NCAPD2: variants seen among roughly 807,000 people sequenced by gnomAD.
The protein encoded by NCAPD2 is non-SMC condensin I complex subunit D2, also known as condensin complex subunit 1.
Under a neutral mutation model 164.5 loss-of-function variants are expected in NCAPD2, and 100 were observed. The ratio of observed to expected loss-of-function variants is 0.61; its 90% confidence interval spans 0.52 to 0.72. The LOEUF (loss-of-function observed/expected upper bound fraction) is 0.72. NCAPD2 is among the 30% of genes least tolerant of loss of function. The probability of loss-of-function intolerance (pLI) is 0.00; values close to 1 mark genes in which losing one functional copy is unlikely to be tolerated. For synonymous variants in NCAPD2, 585 were observed against 642.6 expected (o/e 0.91, Z 1.36); for missense variants, 1,560 against 1,749.2 (o/e 0.89, Z 1.93).
intron 6 of NCAPD2, among the ~76,000 whole-genome samples, chr12:6,513,715 C>CTTTGTTTTTTTTTTTTTTTT (rs1946171835): frequency 1.3e-5 from 1 of 74,894 alleles, no homozygotes. Flanking sequence ...GTGACTTTGT[C>CTTTGTTTTTTTTTTTTTTTT]TTTTTTTTTT....
intron 5 of NCAPD2, 47 bp downstream of exon 5, chr12:6,510,857 G>A: frequency 6.3e-7 from 1 of 1,577,816 alleles, no homozygotes; most frequent in Non-Finnish European, 8.6e-7. Context: ...TGGGGAGATA[G>A]GGGAATAGAT....
intron 2 of NCAPD2, among the ~76,000 whole-genome samples, chr12:6,498,172 G>A (rs1288791824): frequency 6.6e-6 from 1 of 152,152 alleles, no homozygotes; most frequent in Non-Finnish European, 1.5e-5. Context: ...GCCTCCCAAA[G>A]TGCTGAGATT....
chr12:6,530,667 C>G, intron 29 of NCAPD2, 24 bp from the exon 30 acceptor site: 1 of 1,613,600 alleles, frequency 6.2e-7, no homozygotes, highest in Non-Finnish European at 8.5e-7. Flanking sequence ...CAGGCCTGCT[C>G]TGAATCTCCT....
At chr12:6,523,398 G>GTTGTTTT in intron 17 of NCAPD2, 52 bp downstream of exon 17, 2 of 871,552 alleles carry the variant, frequency 2.3e-6, no homozygotes, top group African/African-American at 4.5e-5. Flanking sequence ...TATTTTGGTT[G>GTTGTTTT]TTTTTTTTTT....
chr12:6,523,150 G>A (rs1459290536), intron 16 of NCAPD2, 112 bp from the exon 17 acceptor site: 9 of 1,443,780 alleles, frequency 6.2e-6, no homozygotes, highest in Middle Eastern at 2.3e-4. Context: ...GGTGGGGCTC[G>A]GTTTCCAGGG....
chr12:6,531,270 A>G lies in NCAPD2; in HGVS notation c.4121-57A>G, dbSNP rs1218235281. On this transcript the variant is annotated intron_variant, in intron 31 of 31. Transcript: ENST00000315579. The surrounding 1 kb of genome is among the most constrained non-coding windows in gnomAD (Gnocchi z 4.1). ...TTGTCTCACTTGTTCTCTGATATCT[A>G]TTTTTTCACCATCTTTGTGACTCAG... 3.2e-6 allele frequency: 5 copies of G among 1,561,052 alleles called. No individual in the cohort carries two copies. The highest frequency in any genetic ancestry group is 2.2e-5 in the East Asian group (1 of 44,574).
chr12:6,517,322 G>T, intron 10 of NCAPD2, 43 bp from the exon 11 acceptor site: 1 of 1,599,866 alleles, frequency 6.3e-7, no homozygotes. Context: ...CAAAATGGAT[G>T]ATGTGGGACT....
In NCAPD2 at chr12:6,514,885, A is replaced by T; in HGVS notation, c.952A>T (p.Ser318Cys). Reference sequence around the variant, plus strand: ...ACGTGTCCCAGCTATCCTGATGTCCAGCATGTGCATTTTGCTAGATCACCT... The same window carrying T: ...ACGTGTCCCAGCTATCCTGATGTCCTGCATGTGCATTTTGCTAGATCACCT... ...AERVPAILMS[S>C]MCILLDHLDG... is the part of the protein sequence containing the mutation. The change falls in exon 9 of 32, where the codon AGC becomes TGC. Residue 318 changes from serine to cysteine, a missense_variant. Physicochemically the swap from Ser to Cys is moderately radical, Grantham distance 112. Coordinates refer to ENST00000315579, the MANE Select transcript of NCAPD2 (RefSeq NM_014865.4). 1 of 1,614,224 alleles carries T rather than the reference A, an allele frequency of 6.2e-7. No homozygotes were observed. Among genetic ancestry groups the T allele is most frequent in the Non-Finnish European group, 8.5e-7 (1 of 1,180,032 alleles).
chr12:6,507,493 C>T (rs887969208), intron 2 of NCAPD2, among the ~76,000 whole-genome samples: 2 of 152,242 alleles, frequency 1.3e-5, no homozygotes, highest in South Asian at 2.1e-4. Flanking sequence ...CAAAGGGGCA[C>T]GAGAGCCTTT....
chr12:6,520,853 C>T, intron 13 of NCAPD2, 133 bp from the exon 14 acceptor site: 1 of 1,251,134 alleles, frequency 8.0e-7, no homozygotes, highest in Non-Finnish European at 1.1e-6. Flanking sequence ...GCTGTAACAA[C>T]TTTTTAAGCA....
In NCAPD2 at chr12:6,528,933, T is replaced by A; in HGVS notation, c.3478-12T>A. ...ACCTCATCTCCTTAACATGGCTCTC[T>A]CTGTCTTACAGGGCAACGCAATCTA... is the stretch of plus-strand genomic sequence containing the variant. On this transcript the variant is annotated splice_polypyrimidine_tract_variant and intron_variant, in intron 26 of 31. Transcript: ENST00000315579. This position sits in a 1 kb window ranked among gnomAD's most constrained non-coding sequence, Gnocchi z 5.1. The A allele has an allele frequency of 6.2e-7, 1 of 1,614,058 alleles. No individual in the cohort carries two copies.
chr12:6,522,313 C>T (rs373467712), intron 15 of NCAPD2, among the ~76,000 whole-genome samples: 14 of 149,954 alleles, frequency 9.3e-5, no homozygotes, highest in African/African-American at 1.5e-4. Flanking sequence ...CGGCTGGGCG[C>T]GATGGCTCAT....
Position 6,530,943 on chromosome 12 carries a change from T to C in NCAPD2, c.3987T>C (p.Ala1329=), listed in dbSNP as rs780007483. 1 of 1,614,174 alleles carries C rather than the reference T, an allele frequency of 6.2e-7. No homozygotes were observed. The highest frequency in any genetic ancestry group is 1.3e-5 in the African/African-American group (1 of 75,036). The change falls in exon 31 of 32, where the codon GCT becomes GCC. Residue 1329 remains alanine (A), a synonymous_variant. Coordinates refer to ENST00000315579, the MANE Select transcript of NCAPD2 (RefSeq NM_014865.4). ...PSTGSRYQPL[A]STASDNDFVT... ...TAGGTTCTAGGTACCAGCCTCTGGCTTCTACAGCCTCAGACAATGACTTTG... is the reference window on the plus strand; with the variant it reads ...TAGGTTCTAGGTACCAGCCTCTGGCCTCTACAGCCTCAGACAATGACTTTG...
intron 6 of NCAPD2, among the ~76,000 whole-genome samples, chr12:6,514,038 T>C (rs949151461): frequency 6.6e-5 from 10 of 152,142 alleles, no homozygotes; most frequent in African/African-American, 2.4e-4. Context: ...TTTTATGATA[T>C]ATTTAGGTTC....
chr12:6,511,397 A>G (rs900617510), intron 6 of NCAPD2, 145 bp downstream of exon 6: 40 of 973,600 alleles, frequency 4.1e-5, no homozygotes, highest in South Asian at 5.3e-5. Flanking sequence ...CAGTGGTTCA[A>G]TCTCGGCTCA....
chr12:6,498,450 AC>A (rs958056640), intron 2 of NCAPD2, among the ~76,000 whole-genome samples: 2 of 152,206 alleles, frequency 1.3e-5, no homozygotes, highest in African/African-American at 4.8e-5. Context: ...AATATGTAGT[AC>A]AGTAGGACCC....
intron 2 of NCAPD2, among the ~76,000 whole-genome samples, chr12:6,498,622 T>G (rs1946005172): frequency 6.6e-6 from 1 of 152,082 alleles, no homozygotes; most frequent in Non-Finnish European, 1.5e-5. Context: ...ATTCTTTTTT[T>G]TTTTGAGACG....
chr12:6,530,862 C>G, intron 30 of NCAPD2, 45 bp downstream of exon 30: 3 of 1,613,482 alleles, frequency 1.9e-6, no homozygotes, highest in Admixed American at 1.7e-5. Context: ...TGGGCCCTCC[C>G]CTCCTGCAGT....
intron 2 of NCAPD2, 108 bp downstream of exon 2, chr12:6,495,333 C>A: frequency 7.3e-7 from 1 of 1,372,212 alleles, no homozygotes. Flanking sequence ...ATCATAAGAG[C>A]AAGAAACATG....
Sources: allele counts gnomAD v4.1 joint callset (sites outside exome capture counted in the v4.1 genomes callset), GRCh38; gene constraint gnomAD v4.1.1; non-coding constraint Gnocchi (gnomAD v3.1); transcripts MANE v1.5; gene names NCBI Gene and HGNC (gene_info 2026-07-23, HGNC 2026-07-21).